Variants in NBPF15 observed in about 807,000 individuals in gnomAD.
NBPF15 encodes the protein NBPF member 15.
Under a neutral mutation model 62.2 loss-of-function variants are expected in NBPF15, and 74 were observed. The ratio of observed to expected loss-of-function variants is 1.19; its 90% CI spans 0.99 to 1.44. NBPF15 has a LOEUF of 1.44. Among genes scored for constraint, NBPF15 ranks in the 40% most tolerant of loss-of-function variants. The pLI is 0.00. For missense variants in NBPF15, 790 were observed against 550.0 expected (o/e 1.44, Z -4.36); for synonymous variants, 244 against 209.7 (o/e 1.16, Z -1.41).
intron 2 of NBPF15, among the ~76,000 whole-genome samples, chr1:144,460,026 C>CTTTT (rs150839897): frequency 0.013 from 249 of 19,606 alleles, 76 homozygotes; most frequent in East Asian, 0.026. Context: ...ATTACCTGTA[C>CTTTT]TTTTTTTTTT....
At chr1:144,459,001 C>CG (rs1313879620) in intron 3 of NBPF15, among the ~76,000 whole-genome samples, 9 of 149,968 alleles carry the variant, frequency 6.0e-5, no homozygotes, top group Admixed American at 4.0e-4. Flanking sequence ...GATCCTGCCA[C>CG]GGCACTCTAG....
chr1:144,450,539 G>T (rs1202614575), intron 5 of NBPF15, among the ~76,000 whole-genome samples: 1 of 150,198 alleles, frequency 6.7e-6, no homozygotes, highest in Non-Finnish European at 1.5e-5. Context: ...CCCATTCCCG[G>T]ATTTTAGCCT....
At position 144,426,342 on chromosome 1, in the gene NBPF15, C is replaced by T. The variant is rs782728699; in HGVS notation, c.1374G>A (p.Gln458=). 9.7e-5 allele frequency: 77 copies of T among 794,550 alleles called. 2 individuals are homozygous for T. The highest frequency in any genetic ancestry group is 5.6e-4 in the African/African-American group (32 of 56,810). 49.2% of individuals were successfully genotyped at this position (794,550 alleles called of 1,614,324 possible). The change falls in exon 18 of 22, where the codon CAG becomes CAA. Residue 458 remains glutamine (Q), a synonymous_variant. Transcript: ENST00000581897. ...ATGAGTAAACAGCACTGCTGTAGGG[C>T]TGGCCTAAGTCAGGCAGTTCAAGAT... ...SDYLELPDLG[Q]PYSSAVYSLE...
chr1:144,427,431 C>T (rs1446497838), intron 16 of NBPF15, among the ~76,000 whole-genome samples: 6 of 147,766 alleles, frequency 4.1e-5, no homozygotes, highest in Non-Finnish European at 8.9e-5. Flanking sequence ...ACTATTCAGC[C>T]CTGTCTCATC....
At chr1:144,424,255 A>G (rs201819941) in intron 20 of NBPF15, among the ~76,000 whole-genome samples, 168 of 151,544 alleles carry the variant, frequency 1.1e-3, no homozygotes, top group Non-Finnish European at 1.5e-3. Context: ...TTTCCAATCA[A>G]TTTAAAGCAA....
At chr1:144,441,883 G>A (rs1407684839) in intron 6 of NBPF15, among the ~76,000 whole-genome samples, 1 of 148,756 alleles carries the variant, frequency 6.7e-6, no homozygotes, top group African/African-American at 2.5e-5. Context: ...CCAATGAAGG[G>A]CATTGGTGTC....
rs1667493063 is a variant in NBPF15 at position 144,423,785 on chromosome 1, G to A, written c.1769+85C>T. ...GTAATTCAGCCTTCGTTGAAAACAT[G>A]ACATCAAACACACTCTGGTTTCCCT... On this transcript the variant is annotated intron_variant, in intron 21 of 21. Coordinates refer to ENST00000581897, the MANE Select transcript of NBPF15 (RefSeq NM_001385408.1). 3 of 723,604 alleles carry A rather than the reference G, an allele frequency of 4.1e-6. 1 individual carries two copies. The African/African-American group carries it at 5.2e-5, about 13-fold the overall frequency. The allele number at this position is 723,604 out of a possible 1,614,324, so 44.8% of individuals were successfully genotyped here. A position where few individuals can be genotyped will look rare whatever the true frequency, so the allele number is the denominator to read the frequency against.
chr1:144,454,656 G>A (rs1454106181), intron 4 of NBPF15, among the ~76,000 whole-genome samples: 3 of 143,162 alleles, frequency 2.1e-5, no homozygotes, highest in Non-Finnish European at 4.5e-5. Flanking sequence ...TGGAGTCAGA[G>A]CAGTTGGAGA....
Position 144,440,005 on chromosome 1 carries a change from C to G in NBPF15, c.-2G>C. The G allele has an allele frequency of 1.2e-6, 2 of 1,607,328 alleles. No individual in the cohort carries two copies. The highest frequency in any genetic ancestry group is 1.7e-6 in the Non-Finnish European group (2 of 1,175,620). ...CAAAGGGCCGGCTGATACCACCATG[C>G]TGACGTTTGTGGCAGAAGAGGTGGA... is the stretch of plus-strand genomic sequence containing the variant. On this transcript the variant is annotated 5_prime_UTR_variant, in exon 8 of 22. Transcript: ENST00000581897.
intron 8 of NBPF15, 65 bp from the exon 9 acceptor site, chr1:144,438,112 C>T (rs587639334): frequency 1.5e-5 from 24 of 1,564,038 alleles, no homozygotes; most frequent in East Asian, 4.5e-5. Context: ...TCATTGCCTA[C>T]AGGACAGGAG....
Position 144,427,831 on chromosome 1 carries a change from A to T in NBPF15, c.1200T>A (p.Ala400=), listed in dbSNP as rs1670899068. ...AAAGGTACTCACCATCCATGTCAAT[A>T]GCCAAGCCAACACGCTGTTGCTCCA... ...YVLEQQRVGL[A]IDMDEIEKYQ... The change falls in exon 16 of 22, where the codon GCT becomes GCA. Residue 400 remains alanine, a synonymous_variant. Coordinates refer to ENST00000581897, the MANE Select transcript of NBPF15 (RefSeq NM_001385408.1). The T allele has an allele frequency of 2.7e-6, 2 of 739,800 alleles. No individual in the cohort carries two copies. The highest frequency in any genetic ancestry group is 4.9e-6 in the Non-Finnish European group (2 of 405,730). 45.8% of individuals were successfully genotyped at this position (739,800 alleles called of 1,614,324 possible).
At chr1:144,423,800 C>A (rs1386794484) in intron 21 of NBPF15, 70 bp downstream of exon 21, 1 of 738,342 alleles carries the variant, frequency 1.4e-6, no homozygotes, top group Non-Finnish European at 2.4e-6. Flanking sequence ...CAAACACACT[C>A]TGGTTTCCCT....
At chr1:144,455,266 GGGAA>G (rs1253546556) in intron 4 of NBPF15, among the ~76,000 whole-genome samples, 1 of 149,708 alleles carries the variant, frequency 6.7e-6, no homozygotes, top group African/African-American at 2.5e-5. Context: ...GAGAGAAGTA[GGGAA>G]GGGAGAGAAG....
intron 3 of NBPF15, among the ~76,000 whole-genome samples, chr1:144,458,694 A>T (rs1251957643): frequency 6.6e-6 from 1 of 151,908 alleles, no homozygotes; most frequent in Non-Finnish European, 1.5e-5. Flanking sequence ...AAGGAAAAGG[A>T]TAGTCTTTTC....
In NBPF15 at chr1:144,439,858, C is replaced by A. The variant is rs1471918374; in HGVS notation, c.146G>T (p.Gly49Val). Residue 49 changes from glycine (G) to valine (V), a missense_variant, in exon 8 of 22, where the codon GGC becomes GTC. By Grantham distance (109) the Gly-to-Val change is moderately radical. Coordinates refer to ENST00000581897, the MANE Select transcript of NBPF15 (RefSeq NM_001385408.1). ...KEKCFLTQLA[G>V]FLANRQKKYK... The stretch of plus-strand genomic sequence containing the variant: ...TTTCTTCTGTCGGTTGGCCAGGAAG[C>A]CGGCCAGTTGAGTTAGAAAACATTT... The A allele has an allele frequency of 1.3e-4, 213 of 1,609,098 alleles. 2 individuals are homozygous for A. In the African/African-American group the frequency reaches 2.6e-3, roughly 20 times the overall value.
At chr1:144,458,249 A>G (rs1429771852) in intron 3 of NBPF15, among the ~76,000 whole-genome samples, 8 of 152,142 alleles carry the variant, frequency 5.3e-5, no homozygotes, top group African/African-American at 1.9e-4. Flanking sequence ...AATGAAGTAT[A>G]AAAGAGTTAC....
chr1:144,423,287 C>A (rs782024720), intron 21 of NBPF15, 31 bp from the exon 22 acceptor site: 6 of 1,611,022 alleles, frequency 3.7e-6, no homozygotes, highest in Non-Finnish European at 2.5e-6. Flanking sequence ...AAAGAAGCAG[C>A]CAGGGAAAAT....
chr1:144,451,666 C>A (rs1246343758), intron 4 of NBPF15, among the ~76,000 whole-genome samples: 1 of 151,428 alleles, frequency 6.6e-6, no homozygotes, highest in Non-Finnish European at 1.5e-5. Context: ...CAAAGCACAC[C>A]CTGAACAGCC....
intron 13 of NBPF15, among the ~76,000 whole-genome samples, chr1:144,431,093 G>A (rs1219320178): frequency 2.1e-4 from 32 of 151,720 alleles, no homozygotes; most frequent in Middle Eastern, 6.8e-3. Flanking sequence ...CCAAATCTAC[G>A]TTTGATTGGT....
Sources: allele counts gnomAD v4.1 joint callset (sites outside exome capture counted in the v4.1 genomes callset), GRCh38; gene constraint gnomAD v4.1.1; transcripts MANE v1.5; gene names NCBI Gene and HGNC (gene_info 2026-07-23, HGNC 2026-07-21).